Variants in HYCC2 observed in about 807,000 individuals in gnomAD.
The protein encoded by HYCC2 is hyccin PI4KA lipid kinase complex subunit 2.
At chr2:201,022,944 C>G in the HYCC2 span, 7 of 1,570,936 alleles carry the variant, frequency 4.5e-6, no homozygotes, top group Admixed American at 1.8e-5. Flanking sequence ...TAAAAGAAAC[C>G]ACCAAAGGAA....
the HYCC2 span, chr2:201,063,124 G>A: frequency 6.2e-7 from 1 of 1,610,422 alleles, no homozygotes; most frequent in Non-Finnish European, 8.5e-7. Context: ...AGCCCGAACA[G>A]CTGAGGAAGC....
chr2:201,059,846 GA>G, the HYCC2 span, among the ~76,000 whole-genome samples: 2 of 152,122 alleles, frequency 1.3e-5, no homozygotes, highest in East Asian at 3.9e-4. Context: ...AAAAGTTGAA[GA>G]CCAGCCTGGC....
At chr2:201,029,501 T>A in the HYCC2 span, among the ~76,000 whole-genome samples, 1 of 152,216 alleles carries the variant, frequency 6.6e-6, no homozygotes, top group Non-Finnish European at 1.5e-5. Flanking sequence ...GCAGCACTAT[T>A]CACAATAGCA....
the HYCC2 span, among the ~76,000 whole-genome samples, chr2:201,018,939 T>C: frequency 6.6e-6 from 1 of 152,346 alleles, no homozygotes; most frequent in South Asian, 2.1e-4. Context: ...TCAGGTCTTC[T>C]GACATCAAGT....
chr2:201,042,938 C>A, the HYCC2 span, among the ~76,000 whole-genome samples: 1 of 152,114 alleles, frequency 6.6e-6, no homozygotes, highest in Non-Finnish European at 1.5e-5. Context: ...GAGGTGTACC[C>A]AACAGCTCAT....
chr2:201,027,465 G>A, the HYCC2 span, among the ~76,000 whole-genome samples: 7,873 of 152,120 alleles, frequency 0.052, 470 homozygotes, highest in African/African-American at 0.14. Flanking sequence ...CTCATTTTAT[G>A]AGGCCAGCAT....
the HYCC2 span, among the ~76,000 whole-genome samples, chr2:201,058,411 T>C: frequency 5.0e-4 from 76 of 152,344 alleles, no homozygotes; most frequent in Non-Finnish European, 9.0e-4. Context: ...TGGTCACCAA[T>C]AGAAATCACA....
the HYCC2 span, among the ~76,000 whole-genome samples, chr2:201,048,506 A>AT: frequency 0.23 from 32,890 of 141,496 alleles, 4,935 homozygotes; most frequent in African/African-American, 0.43. Flanking sequence ...TTTTTTTGCA[A>AT]TTTTTTTTTT....
the HYCC2 span, among the ~76,000 whole-genome samples, chr2:201,055,310 A>C: frequency 2.0e-5 from 3 of 151,514 alleles, no homozygotes; most frequent in African/African-American, 7.3e-5. Context: ...CATCTTGTAA[A>C]ACTAAAACTC....
chr2:201,007,904 G>A, the HYCC2 span, among the ~76,000 whole-genome samples: 1 of 152,322 alleles, frequency 6.6e-6, no homozygotes, highest in African/African-American at 2.4e-5. Flanking sequence ...TGTGTTTACT[G>A]TCATGCATTG....
the HYCC2 span, among the ~76,000 whole-genome samples, chr2:200,988,780 C>G: frequency 6.6e-6 from 1 of 152,180 alleles, no homozygotes; most frequent in Non-Finnish European, 1.5e-5. Flanking sequence ...CTCCACTCTT[C>G]TGTTTACATG....
the HYCC2 span, among the ~76,000 whole-genome samples, chr2:201,067,485 CA>C: frequency 6.6e-6 from 1 of 152,188 alleles, no homozygotes; most frequent in Non-Finnish European, 1.5e-5. Context: ...ATCAAAGTCA[CA>C]CCTCTTAATA....
chr2:200,989,016 G>A, the HYCC2 span, among the ~76,000 whole-genome samples: 2 of 152,216 alleles, frequency 1.3e-5, no homozygotes, highest in African/African-American at 4.8e-5. Flanking sequence ...TGCCTGATCA[G>A]CTCACTCAAA....
the HYCC2 span, among the ~76,000 whole-genome samples, chr2:200,982,417 T>C: frequency 6.6e-6 from 1 of 152,174 alleles, no homozygotes; most frequent in South Asian, 2.1e-4. Context: ...TGCTTCTATA[T>C]GGTTTTAGAA....
chr2:200,986,606 G>A, the HYCC2 span, among the ~76,000 whole-genome samples: 2 of 152,106 alleles, frequency 1.3e-5, no homozygotes, highest in East Asian at 3.8e-4. Context: ...ACCCCTCCAT[G>A]TTGCGATACC....
the HYCC2 span, chr2:201,011,489 T>C: frequency 2.9e-6 from 4 of 1,383,656 alleles, no homozygotes; most frequent in East Asian, 2.4e-5. Flanking sequence ...TCAAAAAATA[T>C]ACAAAGATAA....
At chr2:201,038,523 G>T in the HYCC2 span, among the ~76,000 whole-genome samples, 1 of 152,244 alleles carries the variant, frequency 6.6e-6, no homozygotes, top group East Asian at 1.9e-4. Flanking sequence ...ACTAGATTAA[G>T]AAAATGTGGC....
chr2:201,035,186 C>T, the HYCC2 span, among the ~76,000 whole-genome samples: 9 of 152,202 alleles, frequency 5.9e-5, no homozygotes, highest in Admixed American at 5.9e-4. Flanking sequence ...GGATAATCTC[C>T]TGCAGAGTGT....
At chr2:201,053,079 T>C in the HYCC2 span, among the ~76,000 whole-genome samples, 1 of 152,184 alleles carries the variant, frequency 6.6e-6, no homozygotes, top group Non-Finnish European at 1.5e-5. Flanking sequence ...GGGGACTTAC[T>C]ACCCCTACAG....
Sources: gnomAD v4.1 joint callset for allele counts (sites outside exome capture counted in the v4.1 genomes callset) on GRCh38, gnomAD v4.1.1 for gene constraint, MANE v1.5 for transcripts, NCBI Gene and HGNC (gene_info 2026-07-23, HGNC 2026-07-21) for gene names.